Variants in NTN1 observed in about 807,000 individuals in gnomAD.
NTN1 encodes netrin-1.
A neutral mutation model predicts 54.2 loss-of-function variants in NTN1; 11 were observed. The ratio of observed to expected loss-of-function variants is 0.20; its 90% CI spans 0.13 to 0.34. NTN1 has a LOEUF of 0.34. Ranked by LOEUF, NTN1 falls within the 10% of genes least tolerant of loss-of-function variation. The pLI is 1.00. For missense variants in NTN1, 740 were observed against 893.1 expected (o/e 0.83, Z 2.18); for synonymous variants, 371 against 382.0 (o/e 0.97, Z 0.33).
intron 2 of NTN1, among the ~76,000 whole-genome samples, chr17:9,084,952 G>A (rs1484310957): frequency 1.3e-5 from 2 of 152,106 alleles, no homozygotes; most frequent in Non-Finnish European, 2.9e-5. Flanking sequence ...GCCTGACCCC[G>A]TTCTTTGCAG....
intron 2 of NTN1, among the ~76,000 whole-genome samples, chr17:9,029,860 C>T (rs1031539340): frequency 1.3e-5 from 2 of 151,964 alleles, no homozygotes; most frequent in Non-Finnish European, 2.9e-5. Flanking sequence ...GGCGTGGTGG[C>T]GTGTGCCTGT....
chr17:9,242,814 G>C lies in NTN1; in HGVS notation c.*2846G>C, dbSNP rs995561262. 1 of 152,578 alleles carries C rather than the reference G, an allele frequency of 6.6e-6. No homozygotes were observed. The highest frequency in any genetic ancestry group is 1.5e-5 in the Non-Finnish European group (1 of 68,258). The allele number at this position is 152,578 out of a possible 1,614,324, so 9.5% of individuals were successfully genotyped here. ...TCCCGACTGCAGCCCCGGCCTCTGC[G>C]GTGAGCACCATCCTTGGGAAAGCAC... On this transcript the variant is annotated 3_prime_UTR_variant, in exon 7 of 7. Coordinates refer to ENST00000173229, the MANE Select transcript of NTN1 (RefSeq NM_004822.3).
At chr17:9,116,913 T>A (rs998647606) in intron 2 of NTN1, among the ~76,000 whole-genome samples, 6 of 152,198 alleles carry the variant, frequency 3.9e-5, no homozygotes, top group Non-Finnish European at 8.8e-5. Flanking sequence ...CTATTAACAG[T>A]TGATGTCGGA....
At chr17:9,039,732 G>A (rs1179751803) in intron 2 of NTN1, among the ~76,000 whole-genome samples, 2 of 152,084 alleles carry the variant, frequency 1.3e-5, no homozygotes, top group African/African-American at 2.4e-5. Flanking sequence ...TTGTGTAAAT[G>A]GAATCATACG....
Position 9,227,929 on chromosome 17 carries a change from GCACACACCATTACA to G in NTN1, c.1486+6698_1486+6711del, listed in dbSNP as rs552039956. On this transcript the variant is annotated intron_variant, in intron 6 of 6. Transcript: ENST00000173229. ...TACCACTACACACAGCATCACACAT[GCACACACCATTACA>G]CACACACCATCACAGCACTGCACAT... Among the ~76,000 whole-genome samples the G allele has an allele frequency of 9.2e-5, 14 of 151,704 alleles. No homozygotes were observed. The South Asian group carries it at 2.7e-3, about 29-fold the overall frequency.
the NTN1 span, among the ~76,000 whole-genome samples, chr17:9,005,209 G>A: frequency 1.4e-4 from 21 of 152,208 alleles, no homozygotes; most frequent in African/African-American, 4.8e-4. Flanking sequence ...TGTGGCTTTC[G>A]GGTTCTGATA....
chr17:9,113,976 A>T (rs1163654651), intron 2 of NTN1, among the ~76,000 whole-genome samples: 3 of 151,396 alleles, frequency 2.0e-5, no homozygotes, highest in Non-Finnish European at 2.9e-5. Flanking sequence ...CAGCCTGGCC[A>T]ACATAGTGAA....
rs3826394 is a variant in NTN1 at position 9,240,614 on chromosome 17, C to G, written c.*646C>G. The G allele has an allele frequency of 1.3e-5, 2 of 152,642 alleles. No individual in the cohort carries two copies. The highest frequency in any genetic ancestry group is 4.8e-5 in the African/African-American group (2 of 41,478). The allele number at this position is 152,642 out of a possible 1,614,324, so 9.5% of individuals were successfully genotyped here. On this transcript the variant is annotated 3_prime_UTR_variant, in exon 7 of 7. Coordinates refer to ENST00000173229, the MANE Select transcript of NTN1 (RefSeq NM_004822.3). The stretch of plus-strand genomic sequence containing the variant: ...CAGCTCCTGTCCAGCCAGCATGCCC[C>G]AGGCGGCCTCTGTCTCCACTGCTAC...
At chr17:9,058,672 A>T (rs903788618) in intron 2 of NTN1, among the ~76,000 whole-genome samples, 2 of 151,776 alleles carry the variant, frequency 1.3e-5, no homozygotes, top group East Asian at 1.9e-4. Flanking sequence ...AAAGAAAAGA[A>T]AAAAGAAAAA....
chr17:9,114,166 A>ATATATATAT lies in NTN1; in HGVS notation c.1019-48647_1019-48646insTATATATAT, dbSNP rs59456522. On this transcript the variant is annotated intron_variant, in intron 2 of 6. Transcript: ENST00000173229. ...GCCAAAAAAAAAGAAAAAAAAAAAA[A>ATATATATAT]ATATATATATATATATATATGATTC... Among the ~76,000 whole-genome samples the ATATATATAT allele has an allele frequency of 6.2e-4, 46 of 74,604 alleles. 1 individual carries two copies. Among genetic ancestry groups the ATATATATAT allele is most frequent in the African/African-American group, 1.7e-3 (30 of 17,172 alleles). 48.9% of individuals were successfully genotyped at this position (74,604 alleles called of 152,430 possible).
chr17:9,073,631 G>A (rs1421545494), intron 2 of NTN1, among the ~76,000 whole-genome samples: 4 of 152,202 alleles, frequency 2.6e-5, no homozygotes, highest in African/African-American at 9.7e-5. Flanking sequence ...CTTGACCCCA[G>A]CAAATAATGC....
In NTN1 at chr17:9,211,654, G is replaced by A. The variant is rs879825274; in HGVS notation, c.1412-9514G>A. ...TTGACACTCAATGCCAGCCACGCTC[G>A]GGAAAGTTCATATTTTAATCTGTGC... is the stretch of plus-strand genomic sequence containing the variant. On this transcript the variant is annotated intron_variant, in intron 5 of 6. Coordinates refer to ENST00000173229, the MANE Select transcript of NTN1 (RefSeq NM_004822.3). This position sits in a 1 kb window ranked among gnomAD's most constrained non-coding sequence, Gnocchi z 4.4. 3.9e-5 allele frequency among the ~76,000 whole-genome samples: 6 copies of A among 152,310 alleles called. No homozygotes were observed. The highest frequency in any genetic ancestry group is 6.5e-5 in the Admixed American group (1 of 15,298).
chr17:9,068,450 G>A (rs766711965), intron 2 of NTN1, among the ~76,000 whole-genome samples: 3 of 152,024 alleles, frequency 2.0e-5, no homozygotes, highest in Middle Eastern at 3.2e-3. Context: ...CCCCCAAAGC[G>A]CTGGGATTAC....
At chr17:9,051,475 A>T (rs1009534672) in intron 2 of NTN1, among the ~76,000 whole-genome samples, 1 of 151,900 alleles carries the variant, frequency 6.6e-6, no homozygotes, top group South Asian at 2.1e-4. Context: ...TTCAATTCCA[A>T]CCCCTCTCCA....
chr17:9,104,088 C>CAAAAAAAAA (rs55732200), intron 2 of NTN1, among the ~76,000 whole-genome samples: 25 of 70,816 alleles, frequency 3.5e-4, no homozygotes, highest in Non-Finnish European at 5.0e-4. Context: ...GACTCCATCT[C>CAAAAAAAAA]AAAAAAAAAA....
At chr17:9,051,065 T>C (rs140283093) in intron 2 of NTN1, among the ~76,000 whole-genome samples, 1,529 of 152,148 alleles carry the variant, frequency 0.01, 27 homozygotes, top group African/African-American at 0.032. Flanking sequence ...TTGACCCAGG[T>C]TGAGATGGGA....
In NTN1 at chr17:9,219,134, G is replaced by A. The variant is rs552141806; in HGVS notation, c.1412-2034G>A. Among the ~76,000 whole-genome samples the A allele has an allele frequency of 3.5e-4, 53 of 152,346 alleles. No homozygotes were observed. The highest frequency in any genetic ancestry group is 6.2e-4 in the Non-Finnish European group (42 of 68,030). On this transcript the variant is annotated intron_variant, in intron 5 of 6. Coordinates refer to ENST00000173229, the MANE Select transcript of NTN1 (RefSeq NM_004822.3). This position sits in a 1 kb window ranked among gnomAD's most constrained non-coding sequence, Gnocchi z 4.5. The stretch of plus-strand genomic sequence containing the variant: ...CATCTATCCCTGAGCTGGCAAAGAT[G>A]TGGCCCAGAGCGGCTGTTCCTCACA...
Position 9,239,489 on chromosome 17 carries a change from C to T in NTN1, c.1487-151C>T. 1.5e-6 allele frequency: 1 copy of T among 683,614 alleles called. No individual in the cohort carries two copies. Among genetic ancestry groups the T allele is most frequent in the Non-Finnish European group, 2.4e-6 (1 of 410,020 alleles). 42.3% of individuals were successfully genotyped at this position (683,614 alleles called of 1,614,324 possible). On this transcript the variant is annotated intron_variant, in intron 6 of 6. Transcript: ENST00000173229. The surrounding 1 kb of genome is among the most constrained non-coding windows in gnomAD (Gnocchi z 5.2). Reference sequence around the variant, plus strand: ...TTGTTAGCAGGTGGGGGTCTACGATCAGCTTGCCACCACCCACGCGCTCCT... The same window carrying T: ...TTGTTAGCAGGTGGGGGTCTACGATTAGCTTGCCACCACCCACGCGCTCCT...
intron 2 of NTN1, among the ~76,000 whole-genome samples, chr17:9,071,869 T>G (rs1362301532): frequency 6.6e-6 from 1 of 152,236 alleles, no homozygotes; most frequent in African/African-American, 2.4e-5. Flanking sequence ...GCTTGCAGTA[T>G]GAATGGAGGC....
Sources: allele counts gnomAD v4.1 joint callset (sites outside exome capture counted in the v4.1 genomes callset), GRCh38; gene constraint gnomAD v4.1.1; non-coding constraint Gnocchi (gnomAD v3.1); transcripts MANE v1.5; gene names NCBI Gene and HGNC (gene_info 2026-07-23, HGNC 2026-07-21).